Variants in PEPD observed in about 807,000 individuals in gnomAD.
PEPD encodes peptidase D.
A neutral mutation model predicts 60.7 loss-of-function variants in PEPD; 53 were observed. The ratio of observed to expected loss-of-function variants is 0.87; its 90% CI spans 0.70 to 1.10. The LOEUF is 1.10. Among genes scored for constraint, PEPD ranks in the 50% least tolerant of loss-of-function variants. The pLI is 0.00. For synonymous variants in PEPD, 267 were observed against 284.1 expected, an observed-to-expected ratio of 0.94 and a Z score of 0.60; for missense variants, 711 against 711.9, an observed-to-expected ratio of 1.00 and a Z score of 0.01.
At chr19:33,396,827 G>C (rs1159029088) in intron 12 of PEPD, among the ~76,000 whole-genome samples, 3 of 152,086 alleles carry the variant, frequency 2.0e-5, no homozygotes, top group African/African-American at 7.2e-5. Flanking sequence ...GGAGCTCCAG[G>C]GTGGCTGCAG....
chr19:33,496,501 T>C lies in PEPD; in HGVS notation c.394-3164A>G, dbSNP rs566104383. On this transcript the variant is annotated intron_variant, in intron 4 of 14. Transcript: ENST00000244137. ...TGGCAGCTCCACCCGCCCTTCCCCATGGAGACCCATTAGTGCTACGCTCTC... is the reference window on the plus strand; with the variant it reads ...TGGCAGCTCCACCCGCCCTTCCCCACGGAGACCCATTAGTGCTACGCTCTC... Among the ~76,000 whole-genome samples the C allele has an allele frequency of 4.6e-5, 7 of 152,300 alleles. No individual in the cohort carries two copies. In the East Asian group the frequency reaches 5.8e-4, roughly 13 times the overall value.
chr19:33,470,986 T>C (rs1970110645), intron 7 of PEPD, among the ~76,000 whole-genome samples: 1 of 152,084 alleles, frequency 6.6e-6, no homozygotes, highest in Non-Finnish European at 1.5e-5. Flanking sequence ...CATCCTCCTA[T>C]GGTGATGAGC....
At chr19:33,511,325 C>T (rs1970922795) in intron 2 of PEPD, 170 bp from the exon 3 acceptor site, 1 of 680,582 alleles carries the variant, frequency 1.5e-6, no homozygotes, top group African/African-American at 1.8e-5. Flanking sequence ...AGCTCATCCT[C>T]CCGTAGTTTG....
intron 9 of PEPD, among the ~76,000 whole-genome samples, chr19:33,417,497 G>A (rs1260206332): frequency 2.6e-5 from 4 of 152,196 alleles, no homozygotes; most frequent in African/African-American, 7.2e-5. Context: ...AACCTCAAGG[G>A]CAAATCTTGG....
At chr19:33,507,426 A>T (rs1469861649) in intron 3 of PEPD, among the ~76,000 whole-genome samples, 3 of 152,170 alleles carry the variant, frequency 2.0e-5, no homozygotes, top group Non-Finnish European at 4.4e-5. Flanking sequence ...ATCCCAGAAC[A>T]GGCCTGGGGT....
intron 3 of PEPD, among the ~76,000 whole-genome samples, chr19:33,505,271 C>A (rs542748045): frequency 3.5e-4 from 53 of 152,236 alleles, no homozygotes; most frequent in Middle Eastern, 6.8e-3. Context: ...CAGAAGGCAG[C>A]GGCATTTGCT....
chr19:33,442,736 T>C (rs1437536323), intron 9 of PEPD, among the ~76,000 whole-genome samples: 1 of 151,598 alleles, frequency 6.6e-6, no homozygotes, highest in Non-Finnish European at 1.5e-5. Context: ...ATTAAATAAA[T>C]AAAAATTTAA....
intron 3 of PEPD, among the ~76,000 whole-genome samples, chr19:33,505,177 C>T (rs1474197955): frequency 6.6e-6 from 1 of 152,204 alleles, no homozygotes; most frequent in African/African-American, 2.4e-5. Context: ...GGCCAAATTA[C>T]AGCCATCACC....
intron 9 of PEPD, among the ~76,000 whole-genome samples, chr19:33,442,789 C>A (rs909497884): frequency 6.6e-6 from 1 of 151,810 alleles, no homozygotes; most frequent in African/African-American, 2.4e-5. Flanking sequence ...CAGAGGGTTG[C>A]TCTGAGAATT....
At chr19:33,432,467 C>A (rs1050890974) in intron 9 of PEPD, among the ~76,000 whole-genome samples, 1 of 152,322 alleles carries the variant, frequency 6.6e-6, no homozygotes, top group East Asian at 1.9e-4. Context: ...AGGGGAACAC[C>A]GACAGCTCAG....
At chr19:33,498,862 A>C (rs10418170) in intron 4 of PEPD, among the ~76,000 whole-genome samples, 104 of 152,146 alleles carry the variant, frequency 6.8e-4, no homozygotes, top group African/African-American at 2.5e-3. Context: ...AGGATCCCTG[A>C]GACAGGGTCC....
chr19:33,500,407 C>G (rs1028967692), intron 4 of PEPD, among the ~76,000 whole-genome samples: 1 of 152,218 alleles, frequency 6.6e-6, no homozygotes, highest in African/African-American at 2.4e-5. Context: ...TTGGTTGGCA[C>G]AGATTCAAAA....
At chr19:33,474,439 C>T (rs1970179879) in intron 7 of PEPD, among the ~76,000 whole-genome samples, 1 of 152,248 alleles carries the variant, frequency 6.6e-6, no homozygotes, top group Admixed American at 6.5e-5. Context: ...ACACCTTGTA[C>T]ACATGGAGTC....
In PEPD at chr19:33,391,453, G is replaced by A; in HGVS notation, c.994C>T (p.Leu332=). The A allele has an allele frequency of 6.4e-7, 1 of 1,553,578 alleles. No homozygotes were observed. The highest frequency in any genetic ancestry group is 8.7e-7 in the Non-Finnish European group (1 of 1,148,902). ...PGVWWPDMHR[L]ADRIHLEELA... ...TCCTCCAGGTGGATGCGGTCAGCCA[G>A]GCGGTGCATGTCAGGCCACCAGACA... The change falls in exon 13 of 15, where the codon CTG becomes TTG. Residue 332 remains leucine (L), a synonymous_variant. Transcript: ENST00000244137.
At chr19:33,440,447 T>C (rs1045735681) in intron 9 of PEPD, among the ~76,000 whole-genome samples, 1 of 152,128 alleles carries the variant, frequency 6.6e-6, no homozygotes, top group Non-Finnish European at 1.5e-5. Flanking sequence ...CCTCCATCTC[T>C]GCTTTGGACA....
chr19:33,466,757 GAAA>G (rs778343133), intron 7 of PEPD, among the ~76,000 whole-genome samples: 1 of 125,078 alleles, frequency 8.0e-6, no homozygotes, highest in Non-Finnish European at 1.8e-5. Context: ...TTGTACTAAT[GAAA>G]AAAAAAAAAG....
intron 9 of PEPD, among the ~76,000 whole-genome samples, chr19:33,425,205 A>G (rs1969116033): frequency 6.6e-6 from 1 of 152,072 alleles, no homozygotes; most frequent in Non-Finnish European, 1.5e-5. Flanking sequence ...CCCTGTCTCT[A>G]CTCAAAATAT....
chr19:33,448,787 G>A (rs1458541397), intron 9 of PEPD, among the ~76,000 whole-genome samples: 2 of 152,064 alleles, frequency 1.3e-5, no homozygotes, highest in East Asian at 1.9e-4. Flanking sequence ...TCCAGCCCAC[G>A]GTTACCAGCT....
chr19:33,457,232 G>A (rs1012498622), intron 9 of PEPD, among the ~76,000 whole-genome samples: 9 of 152,032 alleles, frequency 5.9e-5, no homozygotes, highest in Non-Finnish European at 1.0e-4. Context: ...TGGAGTTCTA[G>A]ACCAGCCTGG....
Sources: allele counts gnomAD v4.1 joint callset (sites outside exome capture counted in the v4.1 genomes callset), GRCh38; gene constraint gnomAD v4.1.1; transcripts MANE v1.5; gene names NCBI Gene and HGNC (gene_info 2026-07-23, HGNC 2026-07-21).